The following RASGEF1C variants were observed in gnomAD, a reference collection of about 807,000 sequenced individuals.
RASGEF1C encodes the protein ras-GEF domain-containing family member 1C.
In RASGEF1C, 27 loss-of-function variants were observed where a neutral mutation model predicts 58.1. The observed-to-expected ratio is 0.46, with a 90% CI of 0.34 to 0.64. The LOEUF (loss-of-function observed/expected upper bound fraction) is 0.64, where lower values mean the gene tolerates loss of function less well. Ranked by LOEUF, RASGEF1C falls within the 30% of genes least tolerant of loss-of-function variation. The pLI, the probability that RASGEF1C is intolerant of heterozygous loss-of-function variation, is 0.01. For synonymous variants in RASGEF1C, 243 were observed against 246.3 expected, an observed-to-expected ratio of 0.99 and a Z score of 0.13; for missense variants, 502 against 605.1, an observed-to-expected ratio of 0.83 and a Z score of 1.79.
chr5:180,141,976 G>A (rs1766587185), intron 1 of RASGEF1C, among the ~76,000 whole-genome samples: 1 of 152,126 alleles, frequency 6.6e-6, no homozygotes, highest in Admixed American at 6.5e-5. Context: ...CAGTGATGAT[G>A]GGACAATTGT....
chr5:180,125,396 G>A (rs191067647), intron 6 of RASGEF1C, among the ~76,000 whole-genome samples: 10 of 152,306 alleles, frequency 6.6e-5, no homozygotes, highest in Non-Finnish European at 1.0e-4. Context: ...GGGACAACAC[G>A]TTAAAAGCAT....
At chr5:180,116,809 G>A (rs1311329215) in intron 10 of RASGEF1C, among the ~76,000 whole-genome samples, 3 of 152,216 alleles carry the variant, frequency 2.0e-5, no homozygotes, top group Non-Finnish European at 2.9e-5. Context: ...AGTGCCCTGC[G>A]AACACCACAC....
At chr5:180,186,101 GAAAAAAAAAAAA>G (rs35778456) in intron 1 of RASGEF1C, among the ~76,000 whole-genome samples, 2 of 81,174 alleles carry the variant, frequency 2.5e-5, no homozygotes, top group African/African-American at 9.6e-5. Flanking sequence ...TATCTCCACA[GAAAAAAAAAAAA>G]AAAAAAAAAA....
chr5:180,195,709 C>G (rs1009371610), intron 1 of RASGEF1C, among the ~76,000 whole-genome samples: 2 of 151,830 alleles, frequency 1.3e-5, no homozygotes, highest in Non-Finnish European at 2.9e-5. Context: ...TTGCAGTGAG[C>G]CGAGATCACA....
chr5:180,163,068 G>A (rs76247063), intron 1 of RASGEF1C, among the ~76,000 whole-genome samples: 4,493 of 152,080 alleles, frequency 0.03, 97 homozygotes, highest in South Asian at 0.092. Context: ...ACAATTGATT[G>A]TTGACTTTGT....
intron 1 of RASGEF1C, among the ~76,000 whole-genome samples, chr5:180,159,837 G>A (rs1766909229): frequency 6.6e-6 from 1 of 152,180 alleles, no homozygotes. Context: ...TTTCAGGAGG[G>A]GCCAAGTGTT....
chr5:180,117,320 C>T (rs561663552), intron 10 of RASGEF1C, among the ~76,000 whole-genome samples: 61 of 152,336 alleles, frequency 4.0e-4, no homozygotes, highest in African/African-American at 1.3e-3. Flanking sequence ...GTGGCACAAG[C>T]GTGCACACCT....
chr5:180,128,286 C>T (rs1213984257), intron 5 of RASGEF1C, 124 bp downstream of exon 5: 1 of 919,630 alleles, frequency 1.1e-6, no homozygotes, highest in Non-Finnish European at 1.7e-6. Flanking sequence ...AGTGCATGCT[C>T]GAGGCTAGGC....
intron 1 of RASGEF1C, among the ~76,000 whole-genome samples, chr5:180,164,703 T>C (rs1422331933): frequency 1.3e-5 from 2 of 152,248 alleles, no homozygotes; most frequent in Non-Finnish European, 2.9e-5. Context: ...GTTTGTTTCA[T>C]GTTCCAAGAT....
intron 8 of RASGEF1C, 61 bp from the exon 9 acceptor site, chr5:180,118,927 T>TAC: frequency 6.7e-7 from 1 of 1,483,406 alleles, no homozygotes; most frequent in Non-Finnish European, 9.4e-7. Context: ...TCTGCGTAGC[T>TAC]GCACCCCCTT....
At position 180,137,177 on chromosome 5, in the gene RASGEF1C, A is replaced by G. The variant is rs1469219733; in HGVS notation, c.300+413T>C. ...AGTCCTTTTGGTTCAGGCGGGTTGA[A>G]GTTGGGTCTCTCCCACTAGCGGTAG... On this transcript the variant is annotated intron_variant, in intron 3 of 13. Transcript: ENST00000361132. This position sits in a 1 kb window ranked among gnomAD's most constrained non-coding sequence, Gnocchi z 4.1. 6.6e-6 allele frequency among the ~76,000 whole-genome samples: 1 copy of G among 152,088 alleles called. No individual in the cohort carries two copies. The highest frequency in any genetic ancestry group is 1.9e-4 in the East Asian group (1 of 5,158).
chr5:180,178,071 A>G (rs1767260597), intron 1 of RASGEF1C, among the ~76,000 whole-genome samples: 1 of 150,024 alleles, frequency 6.7e-6, no homozygotes, highest in Admixed American at 6.7e-5. Context: ...GGTTCAAGTG[A>G]TTCTCCTGCC....
At chr5:180,199,685 C>T (rs1196738927) in intron 1 of RASGEF1C, among the ~76,000 whole-genome samples, 1 of 147,742 alleles carries the variant, frequency 6.8e-6, no homozygotes, top group East Asian at 2.1e-4. Flanking sequence ...CCTTCCCTTC[C>T]CCTCCCCTCC....
At chr5:180,121,254 A>C in intron 6 of RASGEF1C, 105 bp from the exon 7 acceptor site, 1 of 736,202 alleles carries the variant, frequency 1.4e-6, no homozygotes, top group Non-Finnish European at 2.4e-6. Context: ...AAATGTTAAA[A>C]CCCCCAAACC....
chr5:180,101,875 C>T (rs1397488161), intron 13 of RASGEF1C, among the ~76,000 whole-genome samples, 196 bp downstream of exon 13: 2 of 152,226 alleles, frequency 1.3e-5, no homozygotes, highest in African/African-American at 4.8e-5. Flanking sequence ...CTCCTCTCCT[C>T]ACCCCTATGA....
intron 1 of RASGEF1C, among the ~76,000 whole-genome samples, chr5:180,169,757 G>A (rs906303444): frequency 1.2e-4 from 18 of 151,932 alleles, no homozygotes; most frequent in African/African-American, 4.4e-4. Flanking sequence ...GGCCCTTCTC[G>A]TAGCCCCATG....
At chr5:180,175,841 A>C (rs903069519) in intron 1 of RASGEF1C, among the ~76,000 whole-genome samples, 3 of 151,884 alleles carry the variant, frequency 2.0e-5, no homozygotes, top group African/African-American at 7.3e-5. Context: ...ATAAAAAATT[A>C]GCCGGGCGCA....
intron 1 of RASGEF1C, among the ~76,000 whole-genome samples, chr5:180,173,521 G>A (rs1426879726): frequency 6.6e-6 from 1 of 152,234 alleles, no homozygotes; most frequent in Non-Finnish European, 1.5e-5. Flanking sequence ...AGATGTATCT[G>A]TCAAGGTCTG....
intron 1 of RASGEF1C, among the ~76,000 whole-genome samples, chr5:180,185,347 G>C (rs953112549): frequency 1.3e-5 from 2 of 152,088 alleles, no homozygotes; most frequent in African/African-American, 4.8e-5. Context: ...CACTTTGGGA[G>C]GCTGAGGTGG....
Sources: allele counts gnomAD v4.1 joint callset (sites outside exome capture counted in the v4.1 genomes callset), GRCh38; gene constraint gnomAD v4.1.1; non-coding constraint Gnocchi (gnomAD v3.1); transcripts MANE v1.5; gene names NCBI Gene and HGNC (gene_info 2026-07-23, HGNC 2026-07-21).